CTU2: variants seen among roughly 807,000 people sequenced by gnomAD.
CTU2 encodes the protein cytosolic thiouridylase subunit 2.
A neutral mutation model predicts 64.1 loss-of-function variants in CTU2; 80 were observed. The observed-to-expected ratio is 1.25, with a 90% CI of 1.04 to 1.50. The LOEUF is 1.50. Ranked by LOEUF, CTU2 falls within the 40% of genes most tolerant of loss-of-function variation. CTU2 has a pLI of 0.00. For synonymous variants in CTU2, 482 were observed against 285.3 expected (o/e 1.69, Z -6.95); for missense variants, 1,110 against 690.2 (o/e 1.61, Z -6.81).
chr16:88,712,219 C>A (rs753762368), intron 5 of CTU2, 55 bp from the exon 6 acceptor site: 2 of 1,470,478 alleles, frequency 1.4e-6, no homozygotes, highest in South Asian at 1.2e-5. Context: ...GGCCCTGCAG[C>A]CTGCCCTGCC....
rs747296499 is a variant in CTU2 at position 88,714,125 on chromosome 16, A to G, written c.1006-11A>G. Reference sequence around the variant, plus strand: ...GGGCTTTCCCATAGCCTCCAATCTGATTGTCCCTAGGCCCCTGAAAAGGCC... The same window carrying G: ...GGGCTTTCCCATAGCCTCCAATCTGGTTGTCCCTAGGCCCCTGAAAAGGCC... On this transcript the variant is annotated splice_polypyrimidine_tract_variant and intron_variant, in intron 9 of 14. Coordinates refer to ENST00000453996, the MANE Select transcript of CTU2 (RefSeq NM_001012759.3). 18 of 1,611,684 alleles carry G rather than the reference A, an allele frequency of 1.1e-5. No individual in the cohort carries two copies. In the African/African-American group the frequency reaches 2.4e-4, roughly 22 times the overall value.
chr16:88,713,673 C>T lies in CTU2; in HGVS notation c.900C>T (p.Asp300=), dbSNP rs372801841. 19 of 1,612,398 alleles carry T rather than the reference C, an allele frequency of 1.2e-5. No homozygotes were observed. The highest frequency in any genetic ancestry group is 6.7e-5 in the African/African-American group (5 of 74,934). The change falls in exon 9 of 15, where the codon GAC becomes GAT. Residue 300 remains aspartate, a synonymous_variant. Coordinates refer to ENST00000453996, the MANE Select transcript of CTU2 (RefSeq NM_001012759.3). ...DTGFSDERHG[D]VVVVRPMRDH... Reference sequence around the variant, plus strand: ...GCTTCTCGGATGAGCGGCACGGGGACGTGGTGGTGGTGCGGCCCATGCGGG... The same window carrying T: ...GCTTCTCGGATGAGCGGCACGGGGATGTGGTGGTGGTGCGGCCCATGCGGG...
chr16:88,712,875 C>A lies in CTU2; in HGVS notation c.707C>A (p.Thr236Asn), dbSNP rs1015449455. ...CTGTTCTGCTCAGTGAGGACACTGA[C>A]TGCCAAGGAGGAGCTTCTGCAGACC... ...SQLFCSVRTL[T>N]AKEELLQTLR... Residue 236 changes from threonine (T) to asparagine (N), a missense_variant, in exon 7 of 15, where the codon ACT becomes AAT. Coordinates refer to ENST00000453996, the MANE Select transcript of CTU2 (RefSeq NM_001012759.3). The A allele has an allele frequency of 4.5e-6, 7 of 1,540,544 alleles. No individual in the cohort carries two copies. The Admixed American group carries it at 7.9e-5, about 17-fold the overall frequency.
At position 88,714,209 on chromosome 16, in the gene CTU2, C is replaced by CT. The variant is rs773976595; in HGVS notation, c.1080dup (p.Val361CysfsTer9). The CT allele has an allele frequency of 1.9e-6, 3 of 1,604,688 alleles. No individual in the cohort carries two copies. Among genetic ancestry groups the CT allele is most frequent in the Non-Finnish European group, 2.5e-6 (3 of 1,177,922 alleles). ...AGGCTGCAGACCCAGTTCCCCTCCA[C>CT]TGTCAGCACTGTGTACAGGTGTGGG... On this transcript the variant is annotated frameshift_variant, in exon 10 of 15. Transcript: ENST00000453996. LOFTEE classifies it high-confidence loss of function.
Position 88,715,192 on chromosome 16 carries a change from T to G in CTU2, c.1489T>G (p.Leu497Val). 1 of 1,612,378 alleles carries G rather than the reference T, an allele frequency of 6.2e-7. No homozygotes were observed. Among genetic ancestry groups the G allele is most frequent in the Non-Finnish European group, 8.5e-7 (1 of 1,179,820 alleles). ...CAGCTTTCTCTCTAGGGCCTGGGGC[T>G]TGCAGGAGATCCGGGACTGTCTGAT... is the stretch of plus-strand genomic sequence containing the variant. Reference protein sequence around the residue: ...AQLRTQRAWGLQEIRDCLIED... With the variant: ...AQLRTQRAWGVQEIRDCLIED... Residue 497 changes from leucine (L) to valine (V), a missense_variant, in exon 15 of 15, where the codon TTG becomes GTG. Leu to Val is a conservative substitution (Grantham distance 32). Transcript: ENST00000453996.
chr16:88,712,745 G>C lies in CTU2; in HGVS notation c.577G>C (p.Gly193Arg). The change falls in exon 7 of 15, where the codon GGT (glycine) becomes CGT (arginine). Residue 193 changes from glycine to arginine, a missense_variant. Coordinates refer to ENST00000453996, the MANE Select transcript of CTU2 (RefSeq NM_001012759.3). ...QQQHVLGAGG[G>R]PGPTQGEEQP... ...GCAGCATGTGCTGGGGGCCGGGGGT[G>C]GTCCTGGCCCGACTCAAGGGGAGGA... 1 of 1,608,340 alleles carries C rather than the reference G, an allele frequency of 6.2e-7. No homozygotes were observed. The highest frequency in any genetic ancestry group is 8.5e-7 in the Non-Finnish European group (1 of 1,178,262).
chr16:88,714,131 C>T lies in CTU2; in HGVS notation c.1006-5C>T, dbSNP rs1911640614. 1.2e-6 allele frequency: 2 copies of T among 1,612,314 alleles called. No individual in the cohort carries two copies. Among genetic ancestry groups the T allele is most frequent in the African/African-American group, 1.3e-5 (1 of 74,908 alleles). On this transcript the variant is annotated splice_polypyrimidine_tract_variant and splice_region_variant and intron_variant, in intron 9 of 14. Transcript: ENST00000453996. ...TCCCATAGCCTCCAATCTGATTGTC[C>T]CTAGGCCCCTGAAAAGGCCAGCATC...
chr16:88,709,682 T>C, intron 2 of CTU2: 1 of 513,376 alleles, frequency 1.9e-6, no homozygotes, highest in Non-Finnish European at 3.5e-6. Context: ...CCTCGTTTGC[T>C]GGATGCAGCC....
Position 88,715,369 on chromosome 16 carries a change from T to TTTTAA in CTU2, c.*121_*125dup, listed in dbSNP as rs987739634. The TTTTAA allele has an allele frequency of 1.6e-6, 2 of 1,215,526 alleles. No individual in the cohort carries two copies. The highest frequency in any genetic ancestry group is 2.7e-5 in the Admixed American group (1 of 36,972). 75.3% of individuals were successfully genotyped at this position (1,215,526 alleles called of 1,614,324 possible). A position where few individuals can be genotyped will look rare whatever the true frequency, so the allele number is the denominator to read the frequency against. The stretch of plus-strand genomic sequence containing the variant: ...TGTCCATTTGTATAAATAAAACATT[T>TTTTAA]TTTAATTAAAAAAAAAACTCTACAG... On this transcript the variant is annotated 3_prime_UTR_variant, in exon 15 of 15. Transcript: ENST00000453996.
At chr16:88,707,705 A>G (rs1172400940) in intron 2 of CTU2, among the ~76,000 whole-genome samples, 1 of 151,958 alleles carries the variant, frequency 6.6e-6, no homozygotes, top group East Asian at 1.9e-4. Context: ...TGTATTGTTC[A>G]GTTGTTTCCA....
intron 1 of CTU2, 147 bp downstream of exon 1, chr16:88,706,745 C>A: frequency 1.8e-6 from 1 of 570,144 alleles, no homozygotes; most frequent in Non-Finnish European, 2.9e-6. Flanking sequence ...GCCTGTCAAG[C>A]GGTGACGGCC....
Position 88,715,125 on chromosome 16 carries a change from C to A in CTU2, c.1478+19C>A. 6.2e-7 allele frequency: 1 copy of A among 1,600,860 alleles called. No homozygotes were observed. The highest frequency in any genetic ancestry group is 1.1e-5 in the South Asian group (1 of 89,166). Reference sequence around the variant, plus strand: ...CACAGAGGTACTGGGGCCCACACTGCCGTGGCGCGTGGGTAAGGGGCCTCG... The same window carrying A: ...CACAGAGGTACTGGGGCCCACACTGACGTGGCGCGTGGGTAAGGGGCCTCG... On this transcript the variant is annotated intron_variant, in intron 14 of 14. Transcript: ENST00000453996.
Position 88,714,383 on chromosome 16 carries a change from G to A in CTU2, c.1098G>A (p.Arg366=). The change falls in exon 11 of 15, where the codon AGG becomes AGA. Residue 366 remains arginine, a splice_region_variant and synonymous_variant. Transcript: ENST00000453996. ...TGCTCCTCCCACAATCCGGCCACAG[G>A]ACAAGTGAGAAGCTGGTGAAGGGCC... The part of the protein sequence containing the change: ...QFPSTVSTVY[R]TSEKLVKGPR... The A allele has an allele frequency of 1.2e-6, 2 of 1,612,388 alleles. No individual in the cohort carries two copies. Among genetic ancestry groups the A allele is most frequent in the Non-Finnish European group, 1.7e-6 (2 of 1,179,800 alleles).
intron 2 of CTU2, chr16:88,709,200 T>G (rs1255772562): frequency 1.3e-5 from 2 of 152,276 alleles, no homozygotes; most frequent in Admixed American, 6.5e-5. Flanking sequence ...AAGGATCACA[T>G]GAATCGAGGA....
At chr16:88,714,319 C>T in intron 10 of CTU2, 64 bp from the exon 11 acceptor site, 1 of 1,603,946 alleles carries the variant, frequency 6.2e-7, no homozygotes, top group Non-Finnish European at 8.5e-7. Flanking sequence ...CGTGCTCAGG[C>T]CAGGGCTTAG....
At chr16:88,711,109 C>T (rs969485154) in intron 4 of CTU2, among the ~76,000 whole-genome samples, 3 of 152,094 alleles carry the variant, frequency 2.0e-5, no homozygotes, top group East Asian at 1.9e-4. Context: ...TCAGGATGGG[C>T]GCATGGCACA....
At position 88,714,627 on chromosome 16, in the gene CTU2, C is replaced by A. The variant is rs142156554; in HGVS notation, c.1242C>A (p.Leu414=). 1 of 1,612,646 alleles carries A rather than the reference C, an allele frequency of 6.2e-7. No individual in the cohort carries two copies. The highest frequency in any genetic ancestry group is 8.5e-7 in the Non-Finnish European group (1 of 1,179,894). Residue 414 remains leucine, a synonymous_variant, in exon 12 of 15, where the codon CTC becomes CTA. Transcript: ENST00000453996. ...TTGGGGCTCAGACCTCCTCGCGTCT[C>A]TCCCAGATGCAGTCACCCATCCCCC... ...TAFGAQTSSR[L]SQMQSPIPLT...
In CTU2 at chr16:88,714,211, G is replaced by C. The variant is rs770359913; in HGVS notation, c.1081G>C (p.Val361Leu). The change falls in exon 10 of 15, where the codon GTC becomes CTC. Residue 361 changes from valine (V) to leucine (L), a missense_variant. Coordinates refer to ENST00000453996, the MANE Select transcript of CTU2 (RefSeq NM_001012759.3). ...GCTGCAGACCCAGTTCCCCTCCACT[G>C]TCAGCACTGTGTACAGGTGTGGGTG... The part of the protein sequence containing the change: ...LRLQTQFPST[V>L]STVYRTSEKL... 1.9e-6 allele frequency: 3 copies of C among 1,602,514 alleles called. No homozygotes were observed. The African/African-American group carries it at 4.2e-5, about 22-fold the overall frequency.
In CTU2 at chr16:88,712,753, C is replaced by G; in HGVS notation, c.585C>G (p.Gly195=). ...QHVLGAGGGP[G]PTQGEEQPPQ... Reference sequence around the variant, plus strand: ...TGCTGGGGGCCGGGGGTGGTCCTGGCCCGACTCAAGGGGAGGAACAGCCAC... The same window carrying G: ...TGCTGGGGGCCGGGGGTGGTCCTGGGCCGACTCAAGGGGAGGAACAGCCAC... Residue 195 remains glycine (G), a synonymous_variant, in exon 7 of 15, where the codon GGC becomes GGG. Coordinates refer to ENST00000453996, the MANE Select transcript of CTU2 (RefSeq NM_001012759.3). 2 of 1,608,410 alleles carry G rather than the reference C, an allele frequency of 1.2e-6. No homozygotes were observed. The highest frequency in any genetic ancestry group is 1.7e-5 in the Admixed American group (1 of 59,670).
Sources: gnomAD v4.1 joint callset for allele counts (sites outside exome capture counted in the v4.1 genomes callset) on GRCh38, gnomAD v4.1.1 for gene constraint, MANE v1.5 for transcripts, NCBI Gene and HGNC (gene_info 2026-07-23, HGNC 2026-07-21) for gene names.